The following NMBR variants were observed in gnomAD, a reference collection of about 807,000 sequenced individuals.
NMBR encodes neuromedin-B receptor.
In NMBR, 16 loss-of-function variants were observed where a neutral mutation model predicts 20.5. The ratio of observed to expected loss-of-function variants is 0.78; its 90% CI spans 0.53 to 1.19. NMBR has a LOEUF of 1.19. Ranked by LOEUF, NMBR falls within the 50% of genes most tolerant of loss-of-function variation. NMBR has a pLI of 0.00. For missense variants in NMBR, 582 were observed against 499.1 expected (o/e 1.17, Z -1.58); for synonymous variants, 212 against 196.6 (o/e 1.08, Z -0.65).
chr6:142,111,955 G>A (rs1448192248), intron 1 of NMBR, among the ~76,000 whole-genome samples: 1 of 152,154 alleles, frequency 6.6e-6, no homozygotes, highest in African/African-American at 2.4e-5. Flanking sequence ...TAATTAAGTA[G>A]CATTTGCTTA....
chr6:142,079,299 C>G (rs1777044869), intron 2 of NMBR, among the ~76,000 whole-genome samples: 1 of 151,978 alleles, frequency 6.6e-6, no homozygotes, highest in Non-Finnish European at 1.5e-5. Flanking sequence ...TTTATTTATT[C>G]CCTGGCTGCT....
Position 142,075,553 on chromosome 6 carries a change from A to G in NMBR, c.*95T>C, listed in dbSNP as rs1776916424. ...TTCTGAGTCAATCATGCAATTGCCTAATAAATTAGCTAAGCAACAGCAAGT... is the reference window on the plus strand; with the variant it reads ...TTCTGAGTCAATCATGCAATTGCCTGATAAATTAGCTAAGCAACAGCAAGT... On this transcript the variant is annotated 3_prime_UTR_variant, in exon 4 of 4. Coordinates refer to ENST00000258042, the MANE Select transcript of NMBR (RefSeq NM_002511.4). The G allele has an allele frequency of 8.2e-7, 1 of 1,221,510 alleles. No homozygotes were observed. The highest frequency in any genetic ancestry group is 1.5e-5 in the African/African-American group (1 of 65,352). 75.7% of individuals were successfully genotyped at this position (1,221,510 alleles called of 1,614,324 possible).
intron 1 of NMBR, among the ~76,000 whole-genome samples, chr6:142,101,535 A>C (rs903887131): frequency 2.0e-4 from 31 of 152,152 alleles, no homozygotes; most frequent in African/African-American, 7.2e-4. Flanking sequence ...GTTACAGGGT[A>C]GCTCTTTATG....
chr6:142,107,049 T>C (rs1209162741), intron 1 of NMBR, among the ~76,000 whole-genome samples: 1 of 152,222 alleles, frequency 6.6e-6, no homozygotes, highest in Non-Finnish European at 1.5e-5. Flanking sequence ...AGCTACTGTT[T>C]CTTAGCTAGA....
chr6:142,095,745 A>T (rs1418420863), intron 1 of NMBR, among the ~76,000 whole-genome samples: 1 of 152,036 alleles, frequency 6.6e-6, no homozygotes, highest in Non-Finnish European at 1.5e-5. Flanking sequence ...TCCTCCTTGT[A>T]CCTCTGGTAG....
At chr6:142,144,785 C>A (rs764949033) in intron 1 of NMBR, among the ~76,000 whole-genome samples, 2 of 152,196 alleles carry the variant, frequency 1.3e-5, no homozygotes, top group East Asian at 1.9e-4. Flanking sequence ...GCATGAGGCT[C>A]TTGTCTGTAA....
intron 1 of NMBR, among the ~76,000 whole-genome samples, chr6:142,113,120 T>G (rs2114591393): frequency 6.6e-6 from 1 of 152,214 alleles, no homozygotes; most frequent in East Asian, 1.9e-4. Context: ...AGATGCTACT[T>G]TTAGGCTCAA....
chr6:142,102,303 T>C (rs984106301), intron 1 of NMBR, among the ~76,000 whole-genome samples: 1 of 147,756 alleles, frequency 6.8e-6, no homozygotes, highest in Non-Finnish European at 1.5e-5. Flanking sequence ...GGCAGGAGAA[T>C]GGCATGAACC....
intron 2 of NMBR, among the ~76,000 whole-genome samples, chr6:142,081,121 G>C (rs1481101878): frequency 1.3e-5 from 2 of 152,138 alleles, no homozygotes; most frequent in Non-Finnish European, 2.9e-5. Context: ...TCTTCTTGCT[G>C]TTTATTCAAA....
In NMBR at chr6:142,115,801, A is replaced by G. The variant is rs142175633; in HGVS notation, c.-663-26480T>C. Among the ~76,000 whole-genome samples the G allele has an allele frequency of 1.3e-3, 205 of 152,200 alleles. 1 individual carries two copies. The highest frequency in any genetic ancestry group is 4.9e-3 in the African/African-American group (202 of 41,556). ...TGTTTTGGAATTTGATATAGTTGTG[A>G]AAATTATCTAATGACTTTGAATTAT... On this transcript the variant is annotated intron_variant, in intron 1 of 3. Coordinates refer to ENST00000258042, the MANE Select transcript of NMBR (RefSeq NM_002511.4).
chr6:142,088,452 G>A lies in NMBR; in HGVS notation c.207C>T (p.Ile69=). The stretch of plus-strand genomic sequence containing the variant: ...GGACGCTCCTCATGGCGCTGTTGGT[G>A]ATGAAGATCTTCACCAGCATGATGT... ...LGNIMLVKIF[I]TNSAMRSVPN... The change falls in exon 2 of 4, where the codon ATC becomes ATT. Residue 69 remains isoleucine (I), a synonymous_variant. Coordinates refer to ENST00000258042, the MANE Select transcript of NMBR (RefSeq NM_002511.4). 1.9e-6 allele frequency: 3 copies of A among 1,614,060 alleles called. No individual in the cohort carries two copies. Among genetic ancestry groups the A allele is most frequent in the Non-Finnish European group, 2.5e-6 (3 of 1,179,988 alleles).
intron 1 of NMBR, among the ~76,000 whole-genome samples, chr6:142,119,307 A>G (rs901756938): frequency 6.6e-6 from 1 of 151,974 alleles, no homozygotes; most frequent in Non-Finnish European, 1.5e-5. Flanking sequence ...GATGGGACAT[A>G]TGACTGGGTC....
At chr6:142,104,976 G>A (rs374977425) in intron 1 of NMBR, among the ~76,000 whole-genome samples, 2 of 152,200 alleles carry the variant, frequency 1.3e-5, no homozygotes, top group African/African-American at 4.8e-5. Flanking sequence ...GTGGCAGGGG[G>A]TGGATCTTAC....
chr6:142,098,251 C>A (rs1203722839), intron 1 of NMBR, among the ~76,000 whole-genome samples: 3 of 152,136 alleles, frequency 2.0e-5, no homozygotes, highest in African/African-American at 4.8e-5. Context: ...AAACTCGAAA[C>A]TATCTTGCTA....
chr6:142,120,095 A>G (rs1777919181), intron 1 of NMBR, among the ~76,000 whole-genome samples: 1 of 152,002 alleles, frequency 6.6e-6, no homozygotes, highest in Admixed American at 6.6e-5. Context: ...TAAGAACATT[A>G]TTGAGAACCA....
intron 1 of NMBR, among the ~76,000 whole-genome samples, chr6:142,092,298 T>A (rs1777340628): frequency 6.6e-6 from 1 of 152,118 alleles, no homozygotes; most frequent in Non-Finnish European, 1.5e-5. Context: ...AACACTCAAA[T>A]GTGTATTGCA....
chr6:142,118,362 G>T (rs956637221), intron 1 of NMBR, among the ~76,000 whole-genome samples: 1 of 151,908 alleles, frequency 6.6e-6, no homozygotes, highest in African/African-American at 2.4e-5. Flanking sequence ...GACAGTTTTT[G>T]ATTACTTCAG....
At chr6:142,096,916 C>T (rs1022192073) in intron 1 of NMBR, among the ~76,000 whole-genome samples, 1 of 151,804 alleles carries the variant, frequency 6.6e-6, no homozygotes, top group Non-Finnish European at 1.5e-5. Flanking sequence ...GATCCCTTTA[C>T]CATTATGTAA....
At chr6:142,112,832 AAG>A (rs1391754250) in intron 1 of NMBR, among the ~76,000 whole-genome samples, 4 of 151,576 alleles carry the variant, frequency 2.6e-5, no homozygotes, top group Non-Finnish European at 5.9e-5. Flanking sequence ...ATGTCAGAAA[AAG>A]AATTAATTAT....
Sources: allele counts gnomAD v4.1 joint callset (sites outside exome capture counted in the v4.1 genomes callset), GRCh38; gene constraint gnomAD v4.1.1; transcripts MANE v1.5; gene names NCBI Gene and HGNC (gene_info 2026-07-23, HGNC 2026-07-21).